SLCO1A2: variants seen among roughly 807,000 people sequenced by gnomAD.
The protein encoded by SLCO1A2 is OATP-1.
In SLCO1A2, 67 loss-of-function variants were observed where a neutral mutation model predicts 69.0. The observed-to-expected ratio is 0.97, with a 90% confidence interval of 0.80 to 1.19. SLCO1A2 has a LOEUF of 1.19. Ranked by LOEUF, SLCO1A2 falls within the 50% of genes most tolerant of loss-of-function variation. The pLI is 0.00. For missense variants in SLCO1A2, 787 were observed against 793.7 expected (o/e 0.99, Z 0.10); for synonymous variants, 260 against 265.9 (o/e 0.98, Z 0.22).
chr12:21,300,386 TTTTG>T lies in SLCO1A2; in HGVS notation c.868_871del (p.Gln290LysfsTer19), dbSNP rs1461445706. ...ATATTTTTCCTTCTTGACCTCTTCT[TTTTG>T]TTTGTCTTCATTTTCATTTTTAATG... On this transcript the variant is annotated frameshift_variant, in exon 8 of 15. Transcript: ENST00000683939. LOFTEE classifies it high-confidence loss of function. 5 of 1,613,256 alleles carry T rather than the reference TTTTG, an allele frequency of 3.1e-6. No individual in the cohort carries two copies. The Admixed American group carries it at 6.7e-5, about 22-fold the overall frequency.
chr12:21,399,949 T>G (rs1591918028), upstream of SLCO1A2, among the ~76,000 whole-genome samples: 2 of 152,000 alleles, frequency 1.3e-5, no homozygotes, highest in East Asian at 3.9e-4. Flanking sequence ...GCATTACCAT[T>G]CAGGACATAG....
rs185103980 is a variant in SLCO1A2, at chr12:21,366,526, C to A, written c.-63+7873G>T. Among the ~76,000 whole-genome samples, 530 of 151,956 alleles carry A rather than the reference C, an allele frequency of 3.5e-3. 2 individuals are homozygous for A. Among genetic ancestry groups the A allele is most frequent in the African/African-American group, 0.011 (443 of 41,434 alleles). On this transcript the variant is annotated intron_variant, in intron 2 of 15. Coordinates refer to the SLCO1A2 transcript ENST00000307378. Reference sequence around the variant, plus strand: ...AACCTGCACATTGTGCACATGTACCCTAGAACCTTAAGTAAAATAATAAAA... The same window carrying A: ...AACCTGCACATTGTGCACATGTACCATAGAACCTTAAGTAAAATAATAAAA...
chr12:21,272,414 A>ATAAT (rs1238317128), intron 14 of SLCO1A2, among the ~76,000 whole-genome samples: 1 of 151,752 alleles, frequency 6.6e-6, no homozygotes, highest in Non-Finnish European at 1.5e-5. Context: ...ATTTATTCTT[A>ATAAT]TAATTTTATA....
At position 21,408,909 on chromosome 12, in the gene SLCO1A2, G is replaced by A. The variant is rs190311322; in HGVS notation, c.-312+8973C>T. The stretch of plus-strand genomic sequence containing the variant: ...TAAAACAACTTCCAAATAACTGGTA[G>A]AATAAAACTTTTTAAAGGCTGGTAG... On this transcript the variant is annotated intron_variant, in intron 1 of 4. Transcript: ENST00000413682. Among the ~76,000 whole-genome samples, 37 of 151,548 alleles carry A rather than the reference G, an allele frequency of 2.4e-4. No homozygotes were observed. In the East Asian group the frequency reaches 6.0e-3, roughly 24 times the overall value.
intron 12 of SLCO1A2, among the ~76,000 whole-genome samples, chr12:21,283,809 G>A (rs945533494): frequency 2.0e-5 from 3 of 152,076 alleles, no homozygotes; most frequent in Admixed American, 1.3e-4. Context: ...TTTATGAAAA[G>A]GTGCTCAGCA....
At chr12:21,419,050 G>T (rs1942036479), upstream of SLCO1A2, 1 of 152,022 alleles carries the variant, frequency 6.6e-6, no homozygotes, top group Non-Finnish European at 1.5e-5. Context: ...TAATAATTCA[G>T]GATATTACAT....
At chr12:21,410,752 T>C (rs1297342596) in intron 1 of SLCO1A2, among the ~76,000 whole-genome samples, 1 of 152,208 alleles carries the variant, frequency 6.6e-6, no homozygotes, top group Non-Finnish European at 1.5e-5. Flanking sequence ...TATACTGATA[T>C]TTTCAAGGTT....
At chr12:21,410,800 T>C (rs1250295548) in intron 1 of SLCO1A2, among the ~76,000 whole-genome samples, 1 of 152,198 alleles carries the variant, frequency 6.6e-6, no homozygotes, top group Admixed American at 6.5e-5. Flanking sequence ...AAATTACATC[T>C]CATTATTTCA....
chr12:21,290,785 C>A (rs910207310), intron 12 of SLCO1A2, among the ~76,000 whole-genome samples: 1 of 152,028 alleles, frequency 6.6e-6, no homozygotes, highest in Admixed American at 6.6e-5. Flanking sequence ...TCCAAATACA[C>A]AAACACTAAG....
intron 14 of SLCO1A2, among the ~76,000 whole-genome samples, chr12:21,272,275 A>G (rs535100720): frequency 2.6e-5 from 4 of 152,020 alleles, no homozygotes; most frequent in African/African-American, 9.6e-5. Context: ...TATACAGAAT[A>G]TACATTTATC....
At chr12:21,348,000 A>G (rs1937637383) in intron 2 of SLCO1A2, among the ~76,000 whole-genome samples, 1 of 152,184 alleles carries the variant, frequency 6.6e-6, no homozygotes, top group African/African-American at 2.4e-5. Context: ...TTTCTTCATC[A>G]GGAAGTCCAA....
At position 21,269,450 on chromosome 12, in the gene SLCO1A2, A is replaced by G. The variant is rs1459771553; in HGVS notation, c.*98T>C. 4 of 816,162 alleles carry G rather than the reference A, an allele frequency of 4.9e-6. No homozygotes were observed. The allele number at this position is 816,162 out of a possible 1,614,324, so 50.6% of individuals were successfully genotyped here. On this transcript the variant is annotated 3_prime_UTR_variant, in exon 15 of 15. Coordinates refer to ENST00000683939, the MANE Select transcript of SLCO1A2 (RefSeq NM_001386879.1). The stretch of plus-strand genomic sequence containing the variant: ...TAAGAGGTTTTTTAGGTTCTTAAAG[A>G]CAAGAAAAAGTTATCTATTATATCT...
chr12:21,327,172 G>T (rs527991169), intron 2 of SLCO1A2, among the ~76,000 whole-genome samples: 2 of 152,238 alleles, frequency 1.3e-5, no homozygotes, highest in Non-Finnish European at 2.9e-5. Flanking sequence ...CTCAAGCTTT[G>T]GTTGGGCCTG....
intron 1 of SLCO1A2, among the ~76,000 whole-genome samples, chr12:21,401,236 T>C (rs1212261863): frequency 1.3e-5 from 2 of 151,860 alleles, no homozygotes; most frequent in Non-Finnish European, 2.9e-5. Flanking sequence ...AAAGTTCCTA[T>C]ATTGTAATTA....
intron 9 of SLCO1A2, 138 bp downstream of exon 9, chr12:21,297,266 T>C (rs184712540): frequency 5.3e-4 from 238 of 446,996 alleles, no homozygotes; most frequent in African/African-American, 4.5e-3. Flanking sequence ...TTTCTTTCTT[T>C]CTTGAGATTA....
chr12:21,401,839 T>C (rs1344713718), intron 1 of SLCO1A2, among the ~76,000 whole-genome samples: 1 of 151,764 alleles, frequency 6.6e-6, no homozygotes, highest in East Asian at 1.9e-4. Context: ...AGTTTATAAC[T>C]GTATCCAATA....
intron 12 of SLCO1A2, among the ~76,000 whole-genome samples, chr12:21,286,906 C>T (rs924364629): frequency 1.6e-4 from 24 of 151,406 alleles, no homozygotes; most frequent in African/African-American, 5.4e-4. Flanking sequence ...CCATAAAAAC[C>T]CTAGAAGAAA....
At chr12:21,402,738 A>T (rs77369115) in intron 1 of SLCO1A2, among the ~76,000 whole-genome samples, 30,214 of 152,040 alleles carry the variant, frequency 0.2, 3,769 homozygotes, top group Middle Eastern at 0.34. Context: ...GGTAATGATG[A>T]TCCTGTATTT....
At chr12:21,365,792 GA>G (rs1412538395) in intron 2 of SLCO1A2, among the ~76,000 whole-genome samples, 1 of 152,202 alleles carries the variant, frequency 6.6e-6, no homozygotes, top group Non-Finnish European at 1.5e-5. Context: ...ACAGACACAT[GA>G]AAAAATGCTC....
Sources: allele counts gnomAD v4.1 joint callset (sites outside exome capture counted in the v4.1 genomes callset), GRCh38; gene constraint gnomAD v4.1.1; transcripts MANE v1.5; gene names NCBI Gene and HGNC (gene_info 2026-07-23, HGNC 2026-07-21).